DLGAP2: variants seen among roughly 807,000 people sequenced by gnomAD.
DLGAP2 encodes the protein disks large-associated protein 2.
DLGAP2 carries 26 observed loss-of-function variants against 100.3 expected under a neutral mutation model. The ratio of observed to expected loss-of-function variants is 0.26; its 90% CI spans 0.19 to 0.36. The LOEUF is 0.36. DLGAP2 is among the 10% of genes least tolerant of loss of function. DLGAP2 has a pLI of 1.00. For missense variants in DLGAP2, 1,858 were observed against 1,453.2 expected (o/e 1.28, Z -4.53); for synonymous variants, 886 against 630.1 (o/e 1.41, Z -6.08).
At chr8:782,463 A>G (rs1446754040) in intron 1 of DLGAP2, among the ~76,000 whole-genome samples, 1 of 152,210 alleles carries the variant, frequency 6.6e-6, no homozygotes, top group East Asian at 1.9e-4. Flanking sequence ...ATTCCATGCC[A>G]TTTCATGTGG....
intron 2 of DLGAP2, among the ~76,000 whole-genome samples, chr8:1,148,227 G>T (rs1357080597): frequency 6.6e-6 from 1 of 151,940 alleles, no homozygotes; most frequent in Non-Finnish European, 1.5e-5. Context: ...ATTTCAGTTG[G>T]ATTTACAAAT....
At chr8:1,081,012 A>G (rs535629993) in intron 2 of DLGAP2, among the ~76,000 whole-genome samples, 2 of 152,170 alleles carry the variant, frequency 1.3e-5, no homozygotes, top group Non-Finnish European at 2.9e-5. Flanking sequence ...GCATACACAT[A>G]TATTGTGTTT....
intron 2 of DLGAP2, among the ~76,000 whole-genome samples, chr8:1,061,852 G>A (rs1803093498): frequency 6.6e-6 from 1 of 151,952 alleles, no homozygotes; most frequent in Non-Finnish European, 1.5e-5. Context: ...TCGCTGGGAG[G>A]AGCTGCTCTG....
chr8:1,135,730 C>A (rs1011319083), intron 2 of DLGAP2, among the ~76,000 whole-genome samples: 6 of 151,998 alleles, frequency 3.9e-5, no homozygotes, highest in African/African-American at 1.5e-4. Flanking sequence ...TCCATGGATC[C>A]CTAAGCTTAC....
chr8:1,175,888 CAT>C (rs1797242131), intron 2 of DLGAP2, among the ~76,000 whole-genome samples: 1 of 152,222 alleles, frequency 6.6e-6, no homozygotes, highest in Non-Finnish European at 1.5e-5. Context: ...TTATTATCCA[CAT>C]AGCCATGGGG....
chr8:1,578,100 C>T (rs926539886), intron 6 of DLGAP2, among the ~76,000 whole-genome samples: 3 of 152,218 alleles, frequency 2.0e-5, no homozygotes, highest in Non-Finnish European at 4.4e-5. Flanking sequence ...GGATACAGTG[C>T]ACTGAGTGTT....
Position 1,284,059 on chromosome 8 carries a change from T to A in DLGAP2, c.106+25176T>A, listed in dbSNP as rs151056770. Among the ~76,000 whole-genome samples the A allele has an allele frequency of 8.0e-3, 1,217 of 152,354 alleles. 15 individuals carry two copies. Among genetic ancestry groups the A allele is most frequent in the Non-Finnish European group, 9.8e-3 (670 of 68,026 alleles). On this transcript the variant is annotated intron_variant, in intron 3 of 14. Transcript: ENST00000637795. ...TATGACAAGTATGTGGCCTTCTTGA[T>A]AATAGGAAAAGTTCTTTCAAAATTA...
chr8:1,076,982 C>T (rs56885386), intron 2 of DLGAP2, among the ~76,000 whole-genome samples: 3,791 of 139,896 alleles, frequency 0.027, 150 homozygotes, highest in East Asian at 0.12. Context: ...GAGTCTGTCC[C>T]GGGCCCCCCC....
chr8:1,287,720 T>G (rs1799972231), intron 3 of DLGAP2, among the ~76,000 whole-genome samples: 6 of 9,386 alleles, frequency 6.4e-4, no homozygotes, highest in African/African-American at 1.0e-3. Flanking sequence ...TGTGTGTGTG[T>G]ATGTGTGTGT....
chr8:1,116,135 G>A (rs1029081354), intron 2 of DLGAP2, among the ~76,000 whole-genome samples: 4 of 152,210 alleles, frequency 2.6e-5, no homozygotes, highest in African/African-American at 7.2e-5. Flanking sequence ...GCCTTGATGC[G>A]GTACGCAATC....
chr8:1,544,089 A>G (rs1372494215), intron 4 of DLGAP2, among the ~76,000 whole-genome samples: 1 of 151,886 alleles, frequency 6.6e-6, no homozygotes, highest in Non-Finnish European at 1.5e-5. Flanking sequence ...TTTTTTTTAA[A>G]GACAGGGTTT....
intron 2 of DLGAP2, among the ~76,000 whole-genome samples, chr8:1,146,979 T>G (rs1467383845): frequency 6.6e-6 from 1 of 152,222 alleles, no homozygotes; most frequent in Non-Finnish European, 1.5e-5. Context: ...GTTCCAACCC[T>G]GCATTTCCAG....
chr8:808,234 C>T (rs773743280), intron 1 of DLGAP2, among the ~76,000 whole-genome samples: 2 of 152,174 alleles, frequency 1.3e-5, no homozygotes, highest in African/African-American at 2.4e-5. Context: ...CTCAGTGATA[C>T]GTGTTGACGA....
intron 2 of DLGAP2, among the ~76,000 whole-genome samples, chr8:948,057 TGTG>T: frequency 8.1e-6 from 1 of 123,816 alleles, no homozygotes. Flanking sequence ...CCCCACCGCG[TGTG>T]CGCCATGGCT....
At chr8:917,401 G>A (rs951493260) in intron 2 of DLGAP2, among the ~76,000 whole-genome samples, 9 of 152,130 alleles carry the variant, frequency 5.9e-5, no homozygotes, top group Admixed American at 3.9e-4. Context: ...ACCACACCCA[G>A]CTAATTTTTG....
intron 2 of DLGAP2, among the ~76,000 whole-genome samples, chr8:1,126,945 C>T (rs192142057): frequency 6.6e-5 from 10 of 151,666 alleles, no homozygotes; most frequent in African/African-American, 2.2e-4. Flanking sequence ...TATGAGGGAC[C>T]CCCAACCTTG....
chr8:1,302,250 G>C (rs1800366124), intron 3 of DLGAP2: 1 of 149,328 alleles, frequency 6.7e-6, no homozygotes, highest in Admixed American at 6.6e-5. Context: ...ACCGGACTCA[G>C]CATTTTCTGT....
intron 4 of DLGAP2, among the ~76,000 whole-genome samples, chr8:1,542,860 C>G (rs1801408730): frequency 6.6e-6 from 1 of 152,172 alleles, no homozygotes; most frequent in Non-Finnish European, 1.5e-5. Context: ...AGTTTCTCTG[C>G]ATCTTCATCA....
intron 1 of DLGAP2, among the ~76,000 whole-genome samples, chr8:800,742 G>A (rs763661181): frequency 1.3e-5 from 2 of 152,132 alleles, no homozygotes; most frequent in Non-Finnish European, 2.9e-5. Context: ...GTATGTGTAT[G>A]TGCATGTGTG....
Sources: allele counts gnomAD v4.1 joint callset (sites outside exome capture counted in the v4.1 genomes callset), GRCh38; gene constraint gnomAD v4.1.1; transcripts MANE v1.5; gene names NCBI Gene and HGNC (gene_info 2026-07-23, HGNC 2026-07-21).